Variants in TACC2 observed in about 807,000 individuals in gnomAD.
TACC2 encodes the protein transforming acidic coiled-coil containing protein 2.
A neutral mutation model predicts 227.3 loss-of-function variants in TACC2; 137 were observed. That is an observed-to-expected ratio of 0.60 (90% CI 0.52 to 0.69). TACC2 has a LOEUF of 0.69. Among genes scored for constraint, TACC2 ranks in the 30% least tolerant of loss-of-function variants. The pLI is 0.00. For missense variants in TACC2, 3,470 were observed against 3,694.4 expected (o/e 0.94, Z 1.57); for synonymous variants, 1,523 against 1,487.5 (o/e 1.02, Z -0.55).
intron 7 of TACC2, among the ~76,000 whole-genome samples, chr10:122,147,686 T>C (rs2091552600): frequency 6.6e-6 from 1 of 152,258 alleles, no homozygotes; most frequent in South Asian, 2.1e-4. Context: ...TATAACCCAA[T>C]ACTACGTTAT....
chr10:122,228,016 G>T lies in TACC2; in HGVS notation c.7896+8G>T. ...TCAGAAGCGATTGAAATTGTAAGTG[G>T]AGTTGGAGGGCCCCAGATCACAGGG... On this transcript the variant is annotated splice_region_variant and intron_variant, in intron 14 of 22. Transcript: ENST00000369005. 2 of 1,610,404 alleles carry T rather than the reference G, an allele frequency of 1.2e-6. No individual in the cohort carries two copies. Among genetic ancestry groups the T allele is most frequent in the Non-Finnish European group, 1.7e-6 (2 of 1,178,338 alleles).
intron 3 of TACC2, 141 bp from the exon 4 acceptor site, chr10:122,082,506 G>T: frequency 2.2e-6 from 2 of 894,130 alleles, no homozygotes; most frequent in Admixed American, 4.6e-5. Flanking sequence ...TCACAGAGAG[G>T]AATGAGCTGC....
In TACC2 at chr10:122,054,532, CT is replaced by C. The variant is rs146223323; in HGVS notation, c.146+3986del. 3.7e-4 allele frequency among the ~76,000 whole-genome samples: 57 copies of C among 152,302 alleles called. 1 individual carries two copies. The South Asian group carries it at 4.1e-3, about 11-fold the overall frequency. Reference sequence around the variant, plus strand: ...GACACAACTGATTTTATCTTACAACCTTTTGCCAGATAATGGAGCTATTAAT... The same window carrying C: ...GACACAACTGATTTTATCTTACAACCTTTGCCAGATAATGGAGCTATTAAT... On this transcript the variant is annotated intron_variant, in intron 3 of 22. Coordinates refer to ENST00000369005, the MANE Select transcript of TACC2 (RefSeq NM_206862.4).
At chr10:122,080,612 C>T (rs533938822) in intron 3 of TACC2, among the ~76,000 whole-genome samples, 1 of 152,256 alleles carries the variant, frequency 6.6e-6, no homozygotes, top group Admixed American at 6.5e-5. Flanking sequence ...CCAACTGCCT[C>T]CTTAAAGTGC....
chr10:122,193,628 A>C (rs1466708336), intron 7 of TACC2, among the ~76,000 whole-genome samples: 4 of 152,060 alleles, frequency 2.6e-5, no homozygotes, highest in Admixed American at 6.5e-5. Flanking sequence ...CCATTCAGCC[A>C]CTCTAAGTTT....
chr10:122,190,477 G>GTCCT (rs1465776605), intron 7 of TACC2, among the ~76,000 whole-genome samples: 2 of 152,132 alleles, frequency 1.3e-5, no homozygotes, highest in East Asian at 1.9e-4. Context: ...GCTCGGCAGG[G>GTCCT]TCCTGTTTTC....
chr10:122,193,571 C>T (rs1212424816), intron 7 of TACC2, among the ~76,000 whole-genome samples: 1 of 152,214 alleles, frequency 6.6e-6, no homozygotes, highest in African/African-American at 2.4e-5. Flanking sequence ...TGCCAGGTCA[C>T]CCCGATTTCA....
chr10:122,132,869 G>GT, intron 6 of TACC2, 135 bp downstream of exon 6: 1 of 876,466 alleles, frequency 1.1e-6, no homozygotes, highest in Non-Finnish European at 1.8e-6. Flanking sequence ...CACACACACA[G>GT]GGTGTGCACA....
At chr10:122,142,092 C>T (rs1483559418) in intron 6 of TACC2, among the ~76,000 whole-genome samples, 1 of 152,248 alleles carries the variant, frequency 6.6e-6, no homozygotes, top group Non-Finnish European at 1.5e-5. Context: ...TGTGAATCCA[C>T]TTTGCTGTTT....
At chr10:121,991,576 G>A (rs1268107921) in intron 1 of TACC2, among the ~76,000 whole-genome samples, 1 of 152,154 alleles carries the variant, frequency 6.6e-6, no homozygotes, top group Non-Finnish European at 1.5e-5. Context: ...TTTCAAAGCT[G>A]AGCAGCTGAG....
chr10:122,081,878 C>G (rs1011531785), intron 3 of TACC2, among the ~76,000 whole-genome samples: 3 of 152,162 alleles, frequency 2.0e-5, no homozygotes, highest in Non-Finnish European at 4.4e-5. Flanking sequence ...TAACTATTAC[C>G]AGGAATGGCT....
chr10:122,082,623 C>A, intron 3 of TACC2, 24 bp from the exon 4 acceptor site: 1 of 1,586,060 alleles, frequency 6.3e-7, no homozygotes. Flanking sequence ...CCATGATAAC[C>A]AATGAAACAT....
At chr10:122,108,737 G>A (rs1053670416) in intron 5 of TACC2, among the ~76,000 whole-genome samples, 9 of 139,052 alleles carry the variant, frequency 6.5e-5, no homozygotes, top group Admixed American at 5.2e-4. Flanking sequence ...GCCATCGCCC[G>A]GTCTTCTTTT....
Position 122,237,466 on chromosome 10 carries a change from G to A in TACC2, c.8199G>A (p.Glu2733=). 3 of 1,614,170 alleles carry A rather than the reference G, an allele frequency of 1.9e-6. No homozygotes were observed. The highest frequency in any genetic ancestry group is 2.5e-6 in the Non-Finnish European group (3 of 1,180,034). The change falls in exon 17 of 23, where the codon GAG becomes GAA. Residue 2733 remains glutamate (E), a synonymous_variant. Transcript: ENST00000369005. ...TALYSRIGTA[E]VEKPAGLLFQ... is the part of the protein sequence containing the mutation. ...TGTACTCCCGCATCGGGACCGCTGA[G>A]GTGGAGAAACCTGCAGGCCTTCTGT...
intron 16 of TACC2, among the ~76,000 whole-genome samples, chr10:122,234,705 T>C (rs1251421511): frequency 6.6e-6 from 1 of 152,242 alleles, no homozygotes; most frequent in Non-Finnish European, 1.5e-5. Flanking sequence ...TGAATTTTCT[T>C]AGAAACCCCA....
chr10:122,215,000 G>A (rs1339144208), intron 9 of TACC2, among the ~76,000 whole-genome samples: 1 of 152,158 alleles, frequency 6.6e-6, no homozygotes, highest in African/African-American at 2.4e-5. Context: ...GTAAATTGGT[G>A]TCCTGAGCCT....
In TACC2 at chr10:122,081,334, A is replaced by G. The variant is rs550105012; in HGVS notation, c.147-1313A>G. 2.2e-3 allele frequency among the ~76,000 whole-genome samples: 332 copies of G among 148,648 alleles called. 1 individual carries two copies. The highest frequency in any genetic ancestry group is 5.0e-3 in the Admixed American group (74 of 14,704). Reference sequence around the variant, plus strand: ...GGAGATCGAGACCATCCTGGCTAACATGGTGAGACCCCATCTCTACTAAAA... The same window carrying G: ...GGAGATCGAGACCATCCTGGCTAACGTGGTGAGACCCCATCTCTACTAAAA... On this transcript the variant is annotated intron_variant, in intron 3 of 22. Coordinates refer to ENST00000369005, the MANE Select transcript of TACC2 (RefSeq NM_206862.4).
intron 7 of TACC2, among the ~76,000 whole-genome samples, chr10:122,153,144 G>A (rs1052296461): frequency 2.5e-4 from 38 of 151,898 alleles, no homozygotes; most frequent in African/African-American, 9.2e-4. Flanking sequence ...TACAGGCATA[G>A]GTCACCACGC....
intron 7 of TACC2, among the ~76,000 whole-genome samples, chr10:122,152,574 A>G (rs1289701195): frequency 2.6e-5 from 4 of 152,162 alleles, no homozygotes; most frequent in African/African-American, 9.7e-5. Flanking sequence ...GCGTGTTGAC[A>G]CGGCTGACTT....
Sources: gnomAD v4.1 joint callset for allele counts (sites outside exome capture counted in the v4.1 genomes callset) on GRCh38, gnomAD v4.1.1 for gene constraint, MANE v1.5 for transcripts, NCBI Gene and HGNC (gene_info 2026-07-23, HGNC 2026-07-21) for gene names.